The following LRIG1 variants were observed in gnomAD, a reference collection of about 807,000 sequenced individuals.
LRIG1 encodes the protein leucine rich repeats and immunoglobulin like domains 1, also known as leucine-rich repeats and immunoglobulin-like domains protein 1.
A neutral mutation model predicts 99.2 loss-of-function variants in LRIG1; 48 were observed. That is an observed-to-expected ratio of 0.48 (90% CI 0.38 to 0.62). LRIG1 has a LOEUF of 0.62. LRIG1 is among the 20% of genes least tolerant of loss of function. The pLI, the probability that LRIG1 is intolerant of heterozygous loss-of-function variation, is 0.00. For synonymous variants in LRIG1, 772 were observed against 596.1 expected, an observed-to-expected ratio of 1.29 and a Z score of -4.30; for missense variants, 1,646 against 1,434.4, an observed-to-expected ratio of 1.15 and a Z score of -2.38.
chr3:66,451,750 T>C (rs1258436293), intron 2 of LRIG1, 117 bp from the exon 3 acceptor site: 9 of 719,446 alleles, frequency 1.3e-5, no homozygotes, highest in Non-Finnish European at 1.8e-5. Context: ...TATATTCTAA[T>C]GTTGGAGAAA....
intron 1 of LRIG1, among the ~76,000 whole-genome samples, chr3:66,478,880 G>A (rs193055287): frequency 2.4e-4 from 37 of 152,280 alleles, no homozygotes; most frequent in Admixed American, 2.0e-3. Flanking sequence ...GAGGCCTGCA[G>A]AGATTTAGTA....
Position 66,386,326 on chromosome 3 carries a change from A to G in LRIG1, c.1469-25T>C, listed in dbSNP as rs202165884. On this transcript the variant is annotated intron_variant, in intron 12 of 18. Coordinates refer to ENST00000273261, the MANE Select transcript of LRIG1 (RefSeq NM_015541.3). Reference sequence around the variant, plus strand: ...TCTGGGGAGAGAAGGGTCAACTGTAAAGCGCTGGGTTCTTGGTACACAGAG... The same window carrying G: ...TCTGGGGAGAGAAGGGTCAACTGTAGAGCGCTGGGTTCTTGGTACACAGAG... 5.0e-6 allele frequency: 8 copies of G among 1,601,374 alleles called. No homozygotes were observed. In the East Asian group the frequency reaches 1.3e-4, roughly 27 times the overall value.
chr3:66,404,310 C>A, intron 9 of LRIG1: 1 of 1,288,940 alleles, frequency 7.8e-7, no homozygotes, highest in Non-Finnish European at 1.0e-6. Flanking sequence ...CTGCTGAGCT[C>A]CCCGTCACTG....
intron 1 of LRIG1, among the ~76,000 whole-genome samples, chr3:66,466,621 C>T (rs940150511): frequency 3.9e-5 from 6 of 152,212 alleles, no homozygotes; most frequent in Non-Finnish European, 8.8e-5. Context: ...CATCTGAGAT[C>T]CCAAGAACAA....
At chr3:66,399,436 G>C (rs1701976154) in intron 9 of LRIG1, among the ~76,000 whole-genome samples, 1 of 152,120 alleles carries the variant, frequency 6.6e-6, no homozygotes, top group East Asian at 1.9e-4. Context: ...TTCAGTGAGA[G>C]GAAGCTGAGT....
chr3:66,480,381 C>G (rs566066347), intron 1 of LRIG1, among the ~76,000 whole-genome samples: 1 of 151,582 alleles, frequency 6.6e-6, no homozygotes, highest in African/African-American at 2.4e-5. Context: ...TTAGTAGTTA[C>G]GCAAATCTAC....
chr3:66,385,996 T>G lies in LRIG1; in HGVS notation c.1774A>C (p.Arg592=). The change falls in exon 13 of 19, where the codon AGG becomes CGG. Residue 592 remains arginine, a synonymous_variant. Coordinates refer to ENST00000273261, the MANE Select transcript of LRIG1 (RefSeq NM_015541.3). ...HFGSTYSHKA[R]LTVNVLPSFT... ...GTTTCCATACCATTCACGGTGAGCC[T>G]GGCCTTATGTGAATAGGTGGAGCCA... The G allele has an allele frequency of 6.2e-7, 1 of 1,614,024 alleles. No homozygotes were observed. Among genetic ancestry groups the G allele is most frequent in the Non-Finnish European group, 8.5e-7 (1 of 1,179,912 alleles).
chr3:66,471,001 T>C lies in LRIG1; in HGVS notation c.219-8492A>G, dbSNP rs183148007. The stretch of plus-strand genomic sequence containing the variant: ...TGCATCATTAACCCCTAAAGATTAA[T>C]TAATTTAATTAAGAAGAGGCGCTCC... On this transcript the variant is annotated intron_variant, in intron 1 of 18. Coordinates refer to ENST00000273261, the MANE Select transcript of LRIG1 (RefSeq NM_015541.3). Among the ~76,000 whole-genome samples the C allele has an allele frequency of 5.3e-5, 8 of 152,294 alleles. No individual in the cohort carries two copies. In the East Asian group the frequency reaches 1.5e-3, roughly 29 times the overall value.
At chr3:66,426,611 T>C (rs1180050388) in intron 3 of LRIG1, among the ~76,000 whole-genome samples, 1 of 152,226 alleles carries the variant, frequency 6.6e-6, no homozygotes, top group African/African-American at 2.4e-5. Flanking sequence ...GCCAATGTCT[T>C]TTCTACCTCT....
At chr3:66,406,902 G>A (rs1035376274) in intron 8 of LRIG1, among the ~76,000 whole-genome samples, 8 of 152,250 alleles carry the variant, frequency 5.3e-5, no homozygotes, top group African/African-American at 1.7e-4. Flanking sequence ...TCAGACGAGA[G>A]ATGCACTGCA....
chr3:66,414,022 G>A (rs778763627), intron 5 of LRIG1, among the ~76,000 whole-genome samples: 1 of 151,932 alleles, frequency 6.6e-6, no homozygotes, highest in Admixed American at 6.6e-5. Flanking sequence ...GGTTAACAGA[G>A]CTTTACTTGA....
intron 12 of LRIG1, among the ~76,000 whole-genome samples, chr3:66,391,158 A>G (rs1427505037): frequency 1.3e-5 from 2 of 152,214 alleles, no homozygotes; most frequent in Non-Finnish European, 2.9e-5. Flanking sequence ...AAGACAGTTA[A>G]TAACACATGC....
chr3:66,487,142 T>G (rs1700993217), intron 1 of LRIG1, among the ~76,000 whole-genome samples: 1 of 152,168 alleles, frequency 6.6e-6, no homozygotes, highest in Admixed American at 6.5e-5. Flanking sequence ...GAGAGGACTA[T>G]CCATAATTTT....
intron 7 of LRIG1, 34 bp from the exon 8 acceptor site, chr3:66,407,525 A>G: frequency 6.2e-7 from 1 of 1,607,918 alleles, no homozygotes; most frequent in African/African-American, 1.3e-5. Flanking sequence ...GTCACCATCT[A>G]GTGTGGTTGC....
At chr3:66,391,143 TAA>T (rs1292347578) in intron 12 of LRIG1, among the ~76,000 whole-genome samples, 1 of 151,918 alleles carries the variant, frequency 6.6e-6, no homozygotes, top group African/African-American at 2.4e-5. Context: ...ACATCCAAAA[TAA>T]AAAAGACAGT....
Position 66,500,443 on chromosome 3 carries a change from G to A in LRIG1, c.-36C>T. 1 of 1,281,080 alleles carries A rather than the reference G, an allele frequency of 7.8e-7. No homozygotes were observed. Among genetic ancestry groups the A allele is most frequent in the Non-Finnish European group, 1.0e-6 (1 of 997,204 alleles). The allele number at this position is 1,281,080 out of a possible 1,614,324, so 79.4% of individuals were successfully genotyped here. ...GCGCGCTGCGAACTCCGGGCGCGGG[G>A]ACTGTGAGGACCCGAACGGCCGCAG... is the stretch of plus-strand genomic sequence containing the variant. On this transcript the variant is annotated 5_prime_UTR_variant, in exon 1 of 19. Transcript: ENST00000273261.
chr3:66,452,813 G>A (rs1703950085), intron 2 of LRIG1, among the ~76,000 whole-genome samples: 1 of 152,180 alleles, frequency 6.6e-6, no homozygotes, highest in Admixed American at 6.5e-5. Context: ...AGCCAGTTAG[G>A]GATGAAGCTT....
In LRIG1 at chr3:66,383,315, G is replaced by C. The variant is rs758775560; in HGVS notation, c.2158C>G (p.Pro720Ala). Residue 720 changes from proline to alanine, a missense_variant, in exon 15 of 19, where the codon CCT becomes GCT. Transcript: ENST00000273261. ...VALQCKATGN[P>A]PPRITWFKGD... ...TTGAACCAGGTGATGCGGGGCGGAG[G>C]GTTCCCCGTGGCTTTGCATTGGAGG... is the stretch of plus-strand genomic sequence containing the variant. 2.5e-6 allele frequency: 4 copies of C among 1,604,882 alleles called. No individual in the cohort carries two copies. Among genetic ancestry groups the C allele is most frequent in the Admixed American group, 1.7e-5 (1 of 59,824 alleles).
chr3:66,396,237 T>C (rs1701844102), intron 11 of LRIG1, among the ~76,000 whole-genome samples: 1 of 152,124 alleles, frequency 6.6e-6, no homozygotes, highest in Non-Finnish European at 1.5e-5. Context: ...AGAGGATACA[T>C]GGGGAGGGCC....
Sources: allele counts gnomAD v4.1 joint callset (sites outside exome capture counted in the v4.1 genomes callset), GRCh38; gene constraint gnomAD v4.1.1; transcripts MANE v1.5; gene names NCBI Gene and HGNC (gene_info 2026-07-23, HGNC 2026-07-21).